Variants in C14orf132 observed in about 807,000 individuals in gnomAD.
C14orf132 encodes the protein uncharacterized protein C14orf132.
C14orf132 carries 6 observed loss-of-function variants against 5.8 expected under a neutral mutation model. That is an observed-to-expected ratio of 1.03 (90% confidence interval 0.57 to 2.04). The LOEUF (loss-of-function observed/expected upper bound fraction) is 2.04, where lower values mean the gene tolerates loss of function less well. C14orf132 is among the 30% of genes most tolerant of loss of function. The probability of loss-of-function intolerance (pLI) is 0.00; values close to 1 mark genes in which losing one functional copy is unlikely to be tolerated. For synonymous variants in C14orf132, 51 were observed against 49.8 expected (o/e 1.02, Z -0.10); for missense variants, 125 against 115.8 (o/e 1.08, Z -0.37).
At chr14:96,076,529 C>T (rs1887871716) in intron 1 of C14orf132, among the ~76,000 whole-genome samples, 1 of 152,082 alleles carries the variant, frequency 6.6e-6, no homozygotes, top group African/African-American at 2.4e-5. Context: ...GGGTGTCCAA[C>T]ATTTTTGCTT....
chr14:96,071,878 G>A (rs1174862023), intron 1 of C14orf132, among the ~76,000 whole-genome samples: 1 of 152,246 alleles, frequency 6.6e-6, no homozygotes, highest in Non-Finnish European at 1.5e-5. Context: ...TCGTCACAAA[G>A]GACTTTTGCT....
At chr14:96,070,174 G>T (rs573705315) in intron 1 of C14orf132, among the ~76,000 whole-genome samples, 14 of 152,210 alleles carry the variant, frequency 9.2e-5, no homozygotes, top group African/African-American at 2.4e-4. Context: ...AGGGTTTTCC[G>T]CTGTGGAGGG....
In C14orf132 at chr14:96,049,653, T is replaced by TAGAGAGAGAGAG. The variant is rs1555384130; in HGVS notation, c.27+10135_27+10146dup. 2.4e-5 allele frequency among the ~76,000 whole-genome samples: 2 copies of TAGAGAGAGAGAG among 82,282 alleles called. 1 individual carries two copies. The highest frequency in any genetic ancestry group is 2.6e-4 in the Admixed American group (2 of 7,676). 54.0% of individuals were successfully genotyped at this position (82,282 alleles called of 152,430 possible). A position where few individuals can be genotyped will look rare whatever the true frequency, so the allele number is the denominator to read the frequency against. Reference sequence around the variant, plus strand: ...ATACATATATACGTATATATATATATAGAGAGAGAGAGAGAGAGAGTTCTG... The same window carrying TAGAGAGAGAGAG: ...ATACATATATACGTATATATATATATAGAGAGAGAGAGAGAGAGAGAGAGAGAGAGAGTTCTG... On this transcript the variant is annotated intron_variant, in intron 1 of 1. Coordinates refer to ENST00000555004, the MANE Select transcript of C14orf132 (RefSeq NM_001252507.3).
Position 96,049,640 on chromosome 14 carries a change from G to GTATA in C14orf132, c.27+10124_27+10127dup, listed in dbSNP as rs1215535804. Among the ~76,000 whole-genome samples the GTATA allele has an allele frequency of 7.2e-3, 320 of 44,524 alleles. 36 individuals carry two copies. Among genetic ancestry groups the GTATA allele is most frequent in the East Asian group, 0.027 (15 of 564 alleles). The allele number at this position is 44,524 out of a possible 152,430, so 29.2% of individuals were successfully genotyped here. On this transcript the variant is annotated intron_variant, in intron 1 of 1. Coordinates refer to ENST00000555004, the MANE Select transcript of C14orf132 (RefSeq NM_001252507.3). ...TATACGTATATATATACATATATAC[G>GTATA]TATATATATATATAGAGAGAGAGAG...
rs957437228 is a variant in C14orf132 at position 96,053,673 on chromosome 14, C to G, written c.27+14146C>G. ...GAGCAGAGCCCCACCCCCATGATGG[C>G]CTTTGCCTGTTCAGTCTCCAATGGC... On this transcript the variant is annotated intron_variant, in intron 1 of 1. Transcript: ENST00000555004. Among the ~76,000 whole-genome samples, 6 of 152,194 alleles carry G rather than the reference C, an allele frequency of 3.9e-5. No individual in the cohort carries two copies. The South Asian group carries it at 6.2e-4, about 16-fold the overall frequency.
chr14:96,050,874 G>T (rs187350125), intron 1 of C14orf132, among the ~76,000 whole-genome samples: 31 of 152,044 alleles, frequency 2.0e-4, no homozygotes, highest in African/African-American at 5.8e-4. Context: ...CAGTTGGGAG[G>T]GTAAATCTAT....
intron 1 of C14orf132, chr14:96,040,210 G>C (rs930405018): frequency 2.6e-6 from 1 of 380,442 alleles, no homozygotes; most frequent in African/African-American, 2.2e-5. Flanking sequence ...TCCTCCGGCA[G>C]AATGCCCTGG....
At chr14:96,058,919 G>A (rs1378935583) in intron 1 of C14orf132, among the ~76,000 whole-genome samples, 1 of 152,220 alleles carries the variant, frequency 6.6e-6, no homozygotes, top group Non-Finnish European at 1.5e-5. Context: ...TGCATATCCC[G>A]AGAAAGTCAT....
chr14:96,050,077 T>C (rs1275233750), intron 1 of C14orf132, among the ~76,000 whole-genome samples: 1 of 152,222 alleles, frequency 6.6e-6, no homozygotes, highest in Non-Finnish European at 1.5e-5. Context: ...ATGTCAATTC[T>C]GGATTGGTTT....
At chr14:96,081,959 C>T (rs1176629860) in intron 1 of C14orf132, among the ~76,000 whole-genome samples, 5 of 152,078 alleles carry the variant, frequency 3.3e-5, no homozygotes, top group Non-Finnish European at 1.5e-5. Flanking sequence ...ATATCTCCTC[C>T]GATAGGGAAA....
At chr14:96,079,356 G>T (rs771312851) in intron 1 of C14orf132, among the ~76,000 whole-genome samples, 2 of 152,190 alleles carry the variant, frequency 1.3e-5, no homozygotes, top group Non-Finnish European at 2.9e-5. Flanking sequence ...GCCTGATTCT[G>T]CAGCTCTTAT....
chr14:96,054,498 G>C (rs1485890416), intron 1 of C14orf132, among the ~76,000 whole-genome samples: 4 of 152,200 alleles, frequency 2.6e-5, no homozygotes, highest in Non-Finnish European at 5.9e-5. Flanking sequence ...CTTGGAACAA[G>C]ATGCTTAATT....
intron 1 of C14orf132, among the ~76,000 whole-genome samples, chr14:96,046,391 G>A (rs559786149): frequency 7.4e-6 from 1 of 135,618 alleles, no homozygotes; most frequent in African/African-American, 2.7e-5. Flanking sequence ...GGTGTGTAGA[G>A]CTTGGCAAAA....
At chr14:96,063,501 G>T (rs1003560551) in intron 1 of C14orf132, among the ~76,000 whole-genome samples, 1 of 151,968 alleles carries the variant, frequency 6.6e-6, no homozygotes, top group Non-Finnish European at 1.5e-5. Context: ...TAGAGACGGG[G>T]TTTCACCATG....
Position 96,086,673 on chromosome 14 carries a change from G to A in C14orf132, c.190G>A (p.Ala64Thr). Residue 64 changes from alanine (A) to threonine (T), a missense_variant, in exon 2 of 2, where the codon GCC becomes ACC. Transcript: ENST00000555004. ...CAACGACGCCGTCTTGCTATGGATTGCCATCATAGCTACGCTGGGGAACAT... is the reference window on the plus strand; with the variant it reads ...CAACGACGCCGTCTTGCTATGGATTACCATCATAGCTACGCTGGGGAACAT... ...SSNDAVLLWIAIIATLGNIVV... is the reference protein window; with the variant it reads ...SSNDAVLLWITIIATLGNIVV... The A allele has an allele frequency of 1.3e-6, 2 of 1,536,188 alleles. No individual in the cohort carries two copies. Among genetic ancestry groups the A allele is most frequent in the South Asian group, 1.2e-5 (1 of 84,064 alleles).
intron 1 of C14orf132, among the ~76,000 whole-genome samples, chr14:96,060,406 G>A (rs1423691899): frequency 1.3e-5 from 2 of 152,194 alleles, no homozygotes; most frequent in Non-Finnish European, 2.9e-5. Flanking sequence ...CTATTGGCAC[G>A]GTGACCACTG....
chr14:96,039,549 G>T lies in C14orf132; in HGVS notation c.27+22G>T. 1 of 1,497,182 alleles carries T rather than the reference G, an allele frequency of 6.7e-7. No homozygotes were observed. The highest frequency in any genetic ancestry group is 8.9e-7 in the Non-Finnish European group (1 of 1,125,720). 92.7% of individuals were successfully genotyped at this position (1,497,182 alleles called of 1,614,324 possible). A position where few individuals can be genotyped will look rare whatever the true frequency, so the allele number is the denominator to read the frequency against. On this transcript the variant is annotated intron_variant, in intron 1 of 1. Transcript: ENST00000555004. This position sits in a 1 kb window ranked among gnomAD's most constrained non-coding sequence, Gnocchi z 5.3. The stretch of plus-strand genomic sequence containing the variant: ...GCAGGTAACGGGGCGTCCCCCCCAC[G>T]CGCCCCGGGCCGCCAAGTTTGGGGA...
At position 96,039,618 on chromosome 14, in the gene C14orf132, TG is replaced by T; in HGVS notation, c.27+93del. 7.9e-7 allele frequency: 1 copy of T among 1,267,660 alleles called. No homozygotes were observed. Among genetic ancestry groups the T allele is most frequent in the Non-Finnish European group, 1.0e-6 (1 of 965,014 alleles). The allele number at this position is 1,267,660 out of a possible 1,614,324, so 78.5% of individuals were successfully genotyped here. ...CGCCCTCCACGCTGGGGCTGGGCAG[TG>T]GCGCCCGCCCGCGATCCGCGTCCCG... On this transcript the variant is annotated intron_variant, in intron 1 of 1. Transcript: ENST00000555004. The surrounding 1 kb of genome is among the most constrained non-coding windows in gnomAD (Gnocchi z 5.3).
rs980264501 is a variant in C14orf132, at chr14:96,086,695, A to C, written c.212A>C (p.Asn71Thr). The change falls in exon 2 of 2, where the codon AAC (asparagine) becomes ACC (threonine). Residue 71 changes from asparagine to threonine, a missense_variant. By Grantham distance (65) the Asn-to-Thr change is moderately conservative. Coordinates refer to ENST00000555004, the MANE Select transcript of C14orf132 (RefSeq NM_001252507.3). ...ATTGCCATCATAGCTACGCTGGGGA[A>C]CATCGTGGTGGTGGGCGTGGTGTAT... ...LWIAIIATLGNIVVVGVVYAF... is the reference protein window; with the variant it reads ...LWIAIIATLGTIVVVGVVYAF... The C allele has an allele frequency of 6.5e-7, 1 of 1,536,048 alleles. No homozygotes were observed. The highest frequency in any genetic ancestry group is 1.4e-5 in the African/African-American group (1 of 73,058).
Sources: allele counts gnomAD v4.1 joint callset (sites outside exome capture counted in the v4.1 genomes callset), GRCh38; gene constraint gnomAD v4.1.1; non-coding constraint Gnocchi (gnomAD v3.1); transcripts MANE v1.5; gene names NCBI Gene and HGNC (gene_info 2026-07-23, HGNC 2026-07-21).